CFAP77: variants seen among roughly 807,000 people sequenced by gnomAD.
The protein encoded by CFAP77 is cilia- and flagella-associated protein 77.
In CFAP77, 25 loss-of-function variants were observed where a neutral mutation model predicts 31.1. The observed-to-expected ratio is 0.80, with a 90% CI of 0.59 to 1.12. The LOEUF (loss-of-function observed/expected upper bound fraction) is 1.12. Among genes scored for constraint, CFAP77 ranks in the 50% most tolerant of loss-of-function variants. The pLI is 0.00. For missense variants in CFAP77, 377 were observed against 397.3 expected, an observed-to-expected ratio of 0.95 and a Z score of 0.44; for synonymous variants, 151 against 159.9, an observed-to-expected ratio of 0.94 and a Z score of 0.42.
At chr9:132,520,918 T>C (rs7024475) in intron 3 of CFAP77, among the ~76,000 whole-genome samples, 67,151 of 151,892 alleles carry the variant, frequency 0.44, 15,441 homozygotes, top group East Asian at 0.77. Context: ...CCTCCATCCC[T>C]ACCCCACTGC....
At chr9:132,478,846 G>A (rs374822642) in intron 1 of CFAP77, among the ~76,000 whole-genome samples, 12 of 152,290 alleles carry the variant, frequency 7.9e-5, no homozygotes, top group East Asian at 7.7e-4. Flanking sequence ...TTAGATTTCC[G>A]CTCTGCAGCT....
intron 1 of CFAP77, among the ~76,000 whole-genome samples, chr9:132,447,613 G>A (rs926426500): frequency 6.6e-6 from 1 of 152,216 alleles, no homozygotes; most frequent in Non-Finnish European, 1.5e-5. Context: ...AGATCAGCAC[G>A]TCGGTTACAC....
At chr9:132,434,364 A>AT (rs1850468002) in intron 1 of CFAP77, among the ~76,000 whole-genome samples, 1 of 151,930 alleles carries the variant, frequency 6.6e-6, no homozygotes, top group East Asian at 1.9e-4. Context: ...GTCTTTTTAA[A>AT]TTTTTTCTAT....
intron 4 of CFAP77, 57 bp from the exon 5 acceptor site, chr9:132,542,889 C>T (rs961991848): frequency 1.8e-5 from 25 of 1,353,576 alleles, no homozygotes; most frequent in Middle Eastern, 1.8e-4. Flanking sequence ...CCCTTCAGCA[C>T]GGCCTTCTCC....
chr9:132,422,811 A>G (rs545262912), intron 1 of CFAP77, among the ~76,000 whole-genome samples: 2 of 152,310 alleles, frequency 1.3e-5, no homozygotes, highest in African/African-American at 4.8e-5. Context: ...CAACAGGCGG[A>G]CAAAGGGATA....
At chr9:132,571,560 G>A (rs761790543) in intron 5 of CFAP77, among the ~76,000 whole-genome samples, 4 of 152,200 alleles carry the variant, frequency 2.6e-5, no homozygotes, top group African/African-American at 4.8e-5. Flanking sequence ...ACACAGAGTT[G>A]TGTTCAATAA....
intron 5 of CFAP77, among the ~76,000 whole-genome samples, chr9:132,570,821 G>A (rs1312620456): frequency 6.6e-6 from 1 of 152,192 alleles, no homozygotes; most frequent in Non-Finnish European, 1.5e-5. Flanking sequence ...TGGCAGCTGT[G>A]ACACAATATT....
chr9:132,536,641 G>A (rs1297626870), intron 3 of CFAP77, among the ~76,000 whole-genome samples: 2 of 152,138 alleles, frequency 1.3e-5, no homozygotes, highest in African/African-American at 4.8e-5. Context: ...TGATCCACCT[G>A]CCTCGGCCTC....
intron 5 of CFAP77, among the ~76,000 whole-genome samples, chr9:132,556,839 C>A (rs1207736058): frequency 2.0e-5 from 3 of 152,206 alleles, no homozygotes; most frequent in Non-Finnish European, 2.9e-5. Flanking sequence ...TAACGATTCC[C>A]CAGCCAGCCC....
At position 132,480,579 on chromosome 9, in the gene CFAP77, C is replaced by T. The variant is rs1162157351; in HGVS notation, c.196-18116C>T. ...TCCCGTGCTCACCCAGCTGACCTGCCGCAGAGTGAGACGTGGCAGAAACCA... is the reference window on the plus strand; with the variant it reads ...TCCCGTGCTCACCCAGCTGACCTGCTGCAGAGTGAGACGTGGCAGAAACCA... On this transcript the variant is annotated intron_variant, in intron 1 of 5. Coordinates refer to ENST00000393216, the MANE Select transcript of CFAP77 (RefSeq NM_001282957.2). This position sits in a 1 kb window ranked among gnomAD's most constrained non-coding sequence, Gnocchi z 5.8. Among the ~76,000 whole-genome samples, 3 of 152,216 alleles carry T rather than the reference C, an allele frequency of 2.0e-5. No individual in the cohort carries two copies. The highest frequency in any genetic ancestry group is 1.5e-5 in the Non-Finnish European group (1 of 68,040).
chr9:132,432,570 C>T (rs545573889), intron 1 of CFAP77, among the ~76,000 whole-genome samples: 375 of 150,082 alleles, frequency 2.5e-3, no homozygotes, highest in Non-Finnish European at 4.2e-3. Flanking sequence ...CTTGCTTTGT[C>T]GCCCAGGCTG....
At chr9:132,508,163 T>A (rs1227301759) in intron 3 of CFAP77, among the ~76,000 whole-genome samples, 1 of 152,160 alleles carries the variant, frequency 6.6e-6, no homozygotes, top group Non-Finnish European at 1.5e-5. Flanking sequence ...AGAGGGGACG[T>A]TAAAGCCAGA....
intron 5 of CFAP77, among the ~76,000 whole-genome samples, chr9:132,556,853 G>C (rs1378520675): frequency 1.3e-5 from 2 of 152,166 alleles, no homozygotes; most frequent in South Asian, 4.1e-4. Flanking sequence ...CCAGCCCCCA[G>C]GCCCCTTTGG....
At chr9:132,483,394 G>A (rs1315050957) in intron 1 of CFAP77, among the ~76,000 whole-genome samples, 3 of 152,170 alleles carry the variant, frequency 2.0e-5, no homozygotes, top group African/African-American at 7.2e-5. Flanking sequence ...GCTGGCTCAG[G>A]ACAAGGAGCG....
At chr9:132,446,536 C>A (rs529320804) in intron 1 of CFAP77, among the ~76,000 whole-genome samples, 4 of 151,878 alleles carry the variant, frequency 2.6e-5, no homozygotes, top group African/African-American at 9.7e-5. Context: ...GTCAGGAGAT[C>A]GAGACCATCC....
intron 1 of CFAP77, among the ~76,000 whole-genome samples, chr9:132,459,350 A>T (rs181683721): frequency 6.6e-6 from 1 of 151,896 alleles, no homozygotes; most frequent in Non-Finnish European, 1.5e-5. Context: ...GGATTACAGG[A>T]GTGAACCACC....
chr9:132,410,982 T>G (rs1466267846), intron 1 of CFAP77, among the ~76,000 whole-genome samples: 5 of 152,226 alleles, frequency 3.3e-5, no homozygotes, highest in African/African-American at 9.6e-5. Flanking sequence ...TACTAATTTC[T>G]TACCCAAATT....
chr9:132,478,746 ATG>A (rs1851395736), intron 1 of CFAP77, among the ~76,000 whole-genome samples: 1 of 152,198 alleles, frequency 6.6e-6, no homozygotes, highest in Non-Finnish European at 1.5e-5. Context: ...TAAAACCAAA[ATG>A]ATGGAGTTCA....
At chr9:132,513,478 G>A in intron 3 of CFAP77, 3 of 1,177,070 alleles carry the variant, frequency 2.5e-6, no homozygotes, top group Non-Finnish European at 1.2e-6. Flanking sequence ...CCCGAGGTTG[G>A]AGCACGCATG....
Sources: allele counts gnomAD v4.1 joint callset (sites outside exome capture counted in the v4.1 genomes callset), GRCh38; gene constraint gnomAD v4.1.1; non-coding constraint Gnocchi (gnomAD v3.1); transcripts MANE v1.5; gene names NCBI Gene and HGNC (gene_info 2026-07-23, HGNC 2026-07-21).